The following CDH13 variants were observed in gnomAD, a reference collection of about 807,000 sequenced individuals.
CDH13 encodes cadherin 13, also known as cadherin-13.
In CDH13, 24 loss-of-function variants were observed where a neutral mutation model predicts 63.8. The observed-to-expected ratio is 0.38, with a 90% CI of 0.27 to 0.53. CDH13 has a LOEUF of 0.53. CDH13 is among the 20% of genes least tolerant of loss of function. CDH13 has a pLI of 0.85. For missense variants in CDH13, 1,049 were observed against 903.1 expected (o/e 1.16, Z -2.07); for synonymous variants, 503 against 355.3 (o/e 1.42, Z -4.67).
At position 83,542,308 on chromosome 16, in the gene CDH13, A is replaced by G. The variant is rs182818221; in HGVS notation, c.960+55653A>G. 1.1e-4 allele frequency among the ~76,000 whole-genome samples: 16 copies of G among 152,288 alleles called. No homozygotes were observed. The East Asian group carries it at 2.3e-3, about 22-fold the overall frequency. On this transcript the variant is annotated intron_variant, in intron 7 of 13. Transcript: ENST00000567109. ...TTTTAAGGCTTCCCAGATGAATGTA[A>G]TGTGCAGCCAGGATTGCAAACTACT...
intron 1 of CDH13, among the ~76,000 whole-genome samples, chr16:82,801,745 C>G (rs907204361): frequency 6.6e-6 from 1 of 152,196 alleles, no homozygotes. Context: ...ATACTTTTAC[C>G]CAGAGCCTTG....
intron 5 of CDH13, among the ~76,000 whole-genome samples, chr16:83,286,053 A>G (rs2089304708): frequency 6.6e-6 from 1 of 152,134 alleles, no homozygotes; most frequent in Non-Finnish European, 1.5e-5. Context: ...ACCCTGTCTC[A>G]AATGCAAGTC....
intron 3 of CDH13, among the ~76,000 whole-genome samples, chr16:83,072,915 CT>C (rs1463825117): frequency 6.6e-6 from 1 of 152,122 alleles, no homozygotes; most frequent in Admixed American, 6.5e-5. Context: ...TCTCATATTC[CT>C]TTTAAATATA....
At chr16:83,345,729 A>C (rs962963414) in intron 6 of CDH13, among the ~76,000 whole-genome samples, 2 of 152,218 alleles carry the variant, frequency 1.3e-5, no homozygotes, top group African/African-American at 4.8e-5. Flanking sequence ...TGAGAAAATG[A>C]AAGAATAAAA....
chr16:83,454,695 A>G (rs975466124), intron 6 of CDH13, among the ~76,000 whole-genome samples: 8 of 138,738 alleles, frequency 5.8e-5, no homozygotes, highest in Middle Eastern at 7.1e-3. Context: ...CATATGTAGA[A>G]CCTAAATATG....
intron 6 of CDH13, among the ~76,000 whole-genome samples, chr16:83,413,839 A>G (rs1261806523): frequency 3.3e-5 from 5 of 152,016 alleles, no homozygotes; most frequent in Non-Finnish European, 7.4e-5. Context: ...ACTACAAAAA[A>G]AATTTGCTAG....
At chr16:83,309,162 C>G (rs1467115982) in intron 5 of CDH13, among the ~76,000 whole-genome samples, 2 of 152,144 alleles carry the variant, frequency 1.3e-5, no homozygotes, top group African/African-American at 4.8e-5. Flanking sequence ...TAGCATTGAG[C>G]TTGTGTCTGT....
At chr16:82,788,075 T>C (rs1430725751) in intron 1 of CDH13, among the ~76,000 whole-genome samples, 2 of 152,182 alleles carry the variant, frequency 1.3e-5, no homozygotes, top group Non-Finnish European at 2.9e-5. Flanking sequence ...GTCAGTGCTC[T>C]CTGGAGGCTA....
At chr16:82,771,541 G>A (rs1164684899) in intron 1 of CDH13, among the ~76,000 whole-genome samples, 1 of 152,182 alleles carries the variant, frequency 6.6e-6, no homozygotes, top group Non-Finnish European at 1.5e-5. Context: ...CCCGAAAGTG[G>A]AGACAGTGAG....
chr16:83,695,111 G>T (rs1178806091), intron 10 of CDH13, among the ~76,000 whole-genome samples: 1 of 152,116 alleles, frequency 6.6e-6, no homozygotes, highest in Admixed American at 6.5e-5. Context: ...GGAGGCTAAG[G>T]CAGGAGAATC....
At chr16:82,989,297 C>T (rs1911357474) in intron 2 of CDH13, among the ~76,000 whole-genome samples, 1 of 152,150 alleles carries the variant, frequency 6.6e-6, no homozygotes, top group African/African-American at 2.4e-5. Flanking sequence ...TGGGTGTCCT[C>T]AGACAAGCAT....
intron 6 of CDH13, among the ~76,000 whole-genome samples, chr16:83,372,377 A>C (rs964416442): frequency 6.6e-6 from 1 of 152,202 alleles, no homozygotes; most frequent in African/African-American, 2.4e-5. Flanking sequence ...ACTTGGCATA[A>C]GGACGTTTTT....
At chr16:83,168,919 G>T (rs2037804620) in intron 4 of CDH13, among the ~76,000 whole-genome samples, 1 of 151,940 alleles carries the variant, frequency 6.6e-6, no homozygotes, top group South Asian at 2.1e-4. Flanking sequence ...CCTAGTTTTG[G>T]TTATTCTGTT....
intron 11 of CDH13, among the ~76,000 whole-genome samples, chr16:83,769,730 A>T (rs2150996589): frequency 6.6e-6 from 1 of 152,158 alleles, no homozygotes; most frequent in South Asian, 2.1e-4. Flanking sequence ...TTCCGTGGAG[A>T]TGTGCTTTGA....
chr16:83,419,181 T>C (rs2071640536), intron 6 of CDH13, among the ~76,000 whole-genome samples: 1 of 152,146 alleles, frequency 6.6e-6, no homozygotes, highest in African/African-American at 2.4e-5. Context: ...ACCAGCTCCA[T>C]CCCTATCGTG....
At chr16:83,579,579 C>A (rs1043610715) in intron 7 of CDH13, among the ~76,000 whole-genome samples, 14 of 152,080 alleles carry the variant, frequency 9.2e-5, no homozygotes, top group Non-Finnish European at 1.8e-4. Flanking sequence ...GATCCAGTCA[C>A]CTCCCACCAG....
intron 3 of CDH13, among the ~76,000 whole-genome samples, chr16:83,124,280 A>G (rs559600962): frequency 7.0e-4 from 107 of 152,286 alleles, no homozygotes; most frequent in Non-Finnish European, 1.1e-3. Context: ...TCCTGACCTC[A>G]GGAGATCGGC....
intron 1 of CDH13, among the ~76,000 whole-genome samples, chr16:82,816,130 C>A (rs1000763522): frequency 4.6e-5 from 7 of 152,060 alleles, no homozygotes; most frequent in South Asian, 2.1e-4. Context: ...AAGGACAGCT[C>A]CCCCAGTGAC....
intron 1 of CDH13, among the ~76,000 whole-genome samples, chr16:82,643,342 C>G (rs572768564): frequency 6.6e-6 from 1 of 152,314 alleles, no homozygotes; most frequent in East Asian, 1.9e-4. Flanking sequence ...GCTGGTGATA[C>G]TCTACTTGCT....
Sources: allele counts gnomAD v4.1 joint callset (sites outside exome capture counted in the v4.1 genomes callset), GRCh38; gene constraint gnomAD v4.1.1; transcripts MANE v1.5; gene names NCBI Gene and HGNC (gene_info 2026-07-23, HGNC 2026-07-21).